The following SNX25 variants were observed in gnomAD, a reference collection of about 807,000 sequenced individuals.
The protein encoded by SNX25 is sorting nexin-25.
In SNX25, 62 loss-of-function variants were observed where a neutral mutation model predicts 113.7. The observed-to-expected ratio is 0.55, with a 90% CI of 0.44 to 0.67. The LOEUF is 0.67. Among genes scored for constraint, SNX25 ranks in the 30% least tolerant of loss-of-function variants. The pLI, the probability that SNX25 is intolerant of heterozygous loss-of-function variation, is 0.00. For synonymous variants in SNX25, 421 were observed against 436.2 expected (o/e 0.97, Z 0.43); for missense variants, 1,014 against 1,161.0 (o/e 0.87, Z 1.84).
chr4:185,346,512 A>G, intron 12 of SNX25, 25 bp from the exon 13 acceptor site: 1 of 1,389,010 alleles, frequency 7.2e-7, no homozygotes. Flanking sequence ...TCAAAATACT[A>G]ACATTTCATT....
downstream of SNX25, chr4:185,370,195 T>A (rs1207080110): frequency 2.4e-5 from 4 of 165,988 alleles, no homozygotes; most frequent in Non-Finnish European, 5.3e-5. Flanking sequence ...ATGAAAGACT[T>A]ATTTTAACTG....
intron 6 of SNX25, 40 bp from the exon 7 acceptor site, chr4:185,310,595 T>C (rs548445587): frequency 3.2e-6 from 5 of 1,579,384 alleles, no homozygotes; most frequent in Non-Finnish European, 2.6e-6. Context: ...CTTTCATGCC[T>C]TGTCCTCTGA....
chr4:185,374,465 C>A (rs760319896), downstream of SNX25: 6 of 1,603,790 alleles, frequency 3.7e-6, no homozygotes, highest in South Asian at 6.8e-5. Context: ...CTTTCTCCTT[C>A]GACAAAAGAA....
intron 5 of SNX25, among the ~76,000 whole-genome samples, chr4:185,286,579 C>G (rs748399558): frequency 6.6e-6 from 1 of 152,230 alleles, no homozygotes; most frequent in Non-Finnish European, 1.5e-5. Context: ...CCCGGTGACT[C>G]CTGCCTGTCT....
At chr4:185,360,677 G>A (rs1017244030) in intron 16 of SNX25, among the ~76,000 whole-genome samples, 4 of 152,156 alleles carry the variant, frequency 2.6e-5, no homozygotes, top group East Asian at 1.9e-4. Context: ...GGCCGGGTGC[G>A]GTGGCTCACG....
chr4:185,206,926 G>A (rs1737212126), upstream of SNX25, among the ~76,000 whole-genome samples: 1 of 152,172 alleles, frequency 6.6e-6, no homozygotes, highest in Non-Finnish European at 1.5e-5. Context: ...GAGAACCCAG[G>A]AGGCTGCTAG....
At chr4:185,254,581 G>T (rs1579491241) in intron 2 of SNX25, among the ~76,000 whole-genome samples, 2 of 152,286 alleles carry the variant, frequency 1.3e-5, no homozygotes, top group East Asian at 3.9e-4. Context: ...TTTGTGGGTA[G>T]CGATTACCTA....
At chr4:185,287,511 A>C (rs113810868) in intron 5 of SNX25, among the ~76,000 whole-genome samples, 2,410 of 152,302 alleles carry the variant, frequency 0.016, 74 homozygotes, top group African/African-American at 0.055. Context: ...TACAGTGAAG[A>C]AAATGTTCTA....
chr4:185,296,805 C>T (rs941414893), intron 6 of SNX25, among the ~76,000 whole-genome samples: 2 of 152,168 alleles, frequency 1.3e-5, no homozygotes, highest in South Asian at 2.1e-4. Context: ...CTTTTCCCTG[C>T]CCCTATTTTA....
At chr4:185,238,634 C>T (rs990994467) in intron 1 of SNX25, among the ~76,000 whole-genome samples, 21 of 152,202 alleles carry the variant, frequency 1.4e-4, no homozygotes, top group East Asian at 5.8e-4. Flanking sequence ...AGCCATGGGA[C>T]GGCTCCATGT....
chr4:185,297,113 G>A (rs2126633087), intron 6 of SNX25, among the ~76,000 whole-genome samples: 1 of 151,998 alleles, frequency 6.6e-6, no homozygotes, highest in South Asian at 2.1e-4. Context: ...AGTTCTTCAG[G>A]GTTTGTTCCT....
intron 7 of SNX25, among the ~76,000 whole-genome samples, chr4:185,314,312 C>A (rs2095052872): frequency 2.3e-5 from 3 of 128,706 alleles, no homozygotes; most frequent in Non-Finnish European, 3.2e-5. Flanking sequence ...ACATACAAGA[C>A]TCCCCTCTCT....
At chr4:185,317,086 C>G (rs1388732967) in intron 7 of SNX25, among the ~76,000 whole-genome samples, 2 of 152,050 alleles carry the variant, frequency 1.3e-5, no homozygotes, top group Non-Finnish European at 2.9e-5. Flanking sequence ...TGACAAAGGT[C>G]TAATATCCAG....
chr4:185,355,738 A>T (rs1376396554), intron 15 of SNX25, among the ~76,000 whole-genome samples: 2 of 152,240 alleles, frequency 1.3e-5, no homozygotes, highest in African/African-American at 4.8e-5. Flanking sequence ...AACTTGATTC[A>T]ATATAGACAA....
chr4:185,247,969 CAT>C (rs1245114199), intron 2 of SNX25, among the ~76,000 whole-genome samples: 6 of 152,134 alleles, frequency 3.9e-5, no homozygotes, highest in Admixed American at 3.9e-4. Context: ...TTTCTAAAAA[CAT>C]TGACAGTTTC....
At position 185,339,505 on chromosome 4, in the gene SNX25, G is replaced by A. The variant is rs1161271715; in HGVS notation, c.2041G>A (p.Gly681Arg). 1 of 1,609,896 alleles carries A rather than the reference G, an allele frequency of 6.2e-7. No homozygotes were observed. Among genetic ancestry groups the A allele is most frequent in the Admixed American group, 1.7e-5 (1 of 58,820 alleles). Residue 681 changes from glycine (G) to arginine (R), a missense_variant, in exon 11 of 19, where the codon GGA becomes AGA. Gly to Arg is a moderately radical substitution (Grantham distance 125). Coordinates refer to ENST00000652585, the MANE Select transcript of SNX25 (RefSeq NM_001378034.2). ...CATGTGGAAAGCCTCCATCACCAGT[G>A]GAGAGGTAGTTTTGACTGCTTTTCC... ...LGMWKASITS[G>R]EVTEENGEQL...
At chr4:185,346,681 G>A in intron 13 of SNX25, 31 bp downstream of exon 13, 2 of 1,387,752 alleles carry the variant, frequency 1.4e-6, no homozygotes, top group East Asian at 4.9e-5. Flanking sequence ...GGATATGAGA[G>A]AAAAAATTAG....
At chr4:185,314,684 C>A (rs1165029189) in intron 7 of SNX25, among the ~76,000 whole-genome samples, 2 of 150,004 alleles carry the variant, frequency 1.3e-5, no homozygotes, top group African/African-American at 2.5e-5. Flanking sequence ...TTGGTGACAC[C>A]CCATCTCTAC....
At chr4:185,237,945 C>G (rs2126438928) in intron 1 of SNX25, among the ~76,000 whole-genome samples, 1 of 151,220 alleles carries the variant, frequency 6.6e-6, no homozygotes, top group East Asian at 2.0e-4. Context: ...TACCTGTAGT[C>G]CCAGCTACCC....
Sources: allele counts gnomAD v4.1 joint callset (sites outside exome capture counted in the v4.1 genomes callset), GRCh38; gene constraint gnomAD v4.1.1; transcripts MANE v1.5; gene names NCBI Gene and HGNC (gene_info 2026-07-23, HGNC 2026-07-21).